The following ANKS1B variants were observed in gnomAD, a reference collection of about 807,000 sequenced individuals.
ANKS1B encodes ankyrin repeat and sterile alpha motif domain-containing protein 1B.
Under a neutral mutation model 148.3 loss-of-function variants are expected in ANKS1B, and 36 were observed. The observed-to-expected ratio is 0.24, with a 90% CI of 0.19 to 0.32. ANKS1B has a LOEUF of 0.32. Among genes scored for constraint, ANKS1B ranks in the 10% least tolerant of loss-of-function variants. The probability of loss-of-function intolerance (pLI) is 1.00; values close to 1 mark genes in which losing one functional copy is unlikely to be tolerated. For missense variants in ANKS1B, 1,157 were observed against 1,542.6 expected, an observed-to-expected ratio of 0.75 and a Z score of 4.19; for synonymous variants, 542 against 560.8, an observed-to-expected ratio of 0.97 and a Z score of 0.47.
At chr12:99,077,014 ATC>A (rs2048075263) in intron 16 of ANKS1B, among the ~76,000 whole-genome samples, 1 of 152,102 alleles carries the variant, frequency 6.6e-6, no homozygotes, top group South Asian at 2.1e-4. Flanking sequence ...CACTGAGCAT[ATC>A]TGTTTTGCAC....
chr12:99,536,360 C>T (rs985977236), intron 9 of ANKS1B, among the ~76,000 whole-genome samples: 1 of 152,132 alleles, frequency 6.6e-6, no homozygotes, highest in African/African-American at 2.4e-5. Context: ...GTACTTTCCT[C>T]TTAATTTTGC....
chr12:99,475,186 A>C (rs2152918759), intron 10 of ANKS1B, among the ~76,000 whole-genome samples: 1 of 150,848 alleles, frequency 6.6e-6, no homozygotes, highest in East Asian at 2.0e-4. Flanking sequence ...AGAGGTTTGC[A>C]GTGAGCCGAG....
At chr12:99,055,671 A>G (rs1441857996) in intron 16 of ANKS1B, among the ~76,000 whole-genome samples, 1 of 150,230 alleles carries the variant, frequency 6.7e-6, no homozygotes, top group Non-Finnish European at 1.5e-5. Flanking sequence ...ATGCCAGAAA[A>G]TTTAGAATCA....
intron 11 of ANKS1B, among the ~76,000 whole-genome samples, chr12:99,424,622 A>C (rs78470611): frequency 0.13 from 19,270 of 148,692 alleles, 2,352 homozygotes; most frequent in East Asian, 0.25. Context: ...AGGTAGCAGA[A>C]ACACACACAC....
chr12:98,921,139 C>T (rs1021968621), intron 17 of ANKS1B, among the ~76,000 whole-genome samples: 2 of 152,070 alleles, frequency 1.3e-5, no homozygotes, highest in African/African-American at 4.8e-5. Flanking sequence ...AAATTCCCTT[C>T]CCCTCTTCCT....
At position 99,720,536 on chromosome 12, in the gene ANKS1B, G is replaced by C. The variant is rs183474727; in HGVS notation, c.1128+52386C>G. 8.5e-4 allele frequency among the ~76,000 whole-genome samples: 129 copies of C among 152,252 alleles called. 1 individual carries two copies. Among genetic ancestry groups the C allele is most frequent in the Admixed American group, 6.7e-3 (103 of 15,302 alleles). ...CTTACAGTCCTCAGTCTTCAGGAAA[G>C]GTAGAACGGACTAATGGTCTTTTAA... On this transcript the variant is annotated intron_variant, in intron 8 of 26. Transcript: ENST00000683438.
rs1229331162 is a variant in ANKS1B at position 99,930,294 on chromosome 12, CTGTT to C, written c.134+53806_134+53809del. Among the ~76,000 whole-genome samples the C allele has an allele frequency of 4.6e-5, 7 of 151,958 alleles. 1 individual carries two copies. Among genetic ancestry groups the C allele is most frequent in the South Asian group, 2.1e-4 (1 of 4,806 alleles). On this transcript the variant is annotated intron_variant, in intron 1 of 26. Coordinates refer to ENST00000683438, the MANE Select transcript of ANKS1B (RefSeq NM_001352186.2). ...GGGAGTTCACTCATGATTTGGCTCT[CTGTT>C]TGTCTGTTATTGGTGTATAAGAATG...
intron 14 of ANKS1B, among the ~76,000 whole-genome samples, chr12:99,179,718 T>C (rs2078887628): frequency 6.6e-6 from 1 of 152,064 alleles, no homozygotes; most frequent in African/African-American, 2.4e-5. Flanking sequence ...ATCTATAAAA[T>C]TAGGAAAATC....
chr12:99,079,680 C>T (rs964897664), intron 16 of ANKS1B: 3 of 152,048 alleles, frequency 2.0e-5, no homozygotes, highest in East Asian at 1.9e-4. Context: ...TTGTGGAAGC[C>T]GAAAGAAGAC....
At chr12:99,303,984 A>G (rs1398510191) in intron 12 of ANKS1B, among the ~76,000 whole-genome samples, 1 of 152,094 alleles carries the variant, frequency 6.6e-6, no homozygotes, top group Admixed American at 6.6e-5. Context: ...GCCGAGCAGT[A>G]TTCCATGGTA....
At chr12:99,511,369 A>G (rs2096764157) in intron 9 of ANKS1B, among the ~76,000 whole-genome samples, 1 of 151,970 alleles carries the variant, frequency 6.6e-6, no homozygotes, top group African/African-American at 2.4e-5. Context: ...GAGGCAAAGG[A>G]CCTCTTTAAG....
intron 12 of ANKS1B, among the ~76,000 whole-genome samples, chr12:99,249,714 A>C (rs1358117502): frequency 4.6e-5 from 7 of 152,170 alleles, no homozygotes; most frequent in African/African-American, 1.7e-4. Flanking sequence ...CCCTCCCCGT[A>C]TCTAGTCCTC....
intron 17 of ANKS1B, among the ~76,000 whole-genome samples, chr12:99,004,153 G>A (rs543643267): frequency 9.9e-5 from 15 of 152,230 alleles, no homozygotes; most frequent in African/African-American, 3.6e-4. Flanking sequence ...CTCTAACACC[G>A]TGGAGCCATG....
chr12:99,653,404 A>C (rs2098434630), intron 9 of ANKS1B, among the ~76,000 whole-genome samples: 1 of 152,188 alleles, frequency 6.6e-6, no homozygotes, highest in South Asian at 2.1e-4. Flanking sequence ...AAATAGGTTA[A>C]AACATTTAAT....
intron 19 of ANKS1B, among the ~76,000 whole-genome samples, chr12:98,816,110 G>C (rs1398713916): frequency 6.6e-6 from 1 of 152,036 alleles, no homozygotes; most frequent in Non-Finnish European, 1.5e-5. Flanking sequence ...CTCTGCATTT[G>C]CTTCTCTTTC....
chr12:99,781,883 A>T, intron 5 of ANKS1B, 139 bp downstream of exon 5: 1 of 678,824 alleles, frequency 1.5e-6, no homozygotes, highest in Non-Finnish European at 2.4e-6. Context: ...AGTTCTACAT[A>T]ATATGAATAC....
In ANKS1B at chr12:99,612,965, C is replaced by G. The variant is rs1443395789; in HGVS notation, c.1272+42102G>C. Reference sequence around the variant, plus strand: ...TTCAAGTAATGAGTTAGCAAGCTGTCTAGTGATAACCCTGAGCCAATGGGA... The same window carrying G: ...TTCAAGTAATGAGTTAGCAAGCTGTGTAGTGATAACCCTGAGCCAATGGGA... On this transcript the variant is annotated intron_variant, in intron 9 of 26. Coordinates refer to ENST00000683438, the MANE Select transcript of ANKS1B (RefSeq NM_001352186.2). 3.3e-5 allele frequency among the ~76,000 whole-genome samples: 5 copies of G among 152,050 alleles called. No individual in the cohort carries two copies. The South Asian group carries it at 1.0e-3, about 32-fold the overall frequency.
intron 11 of ANKS1B, among the ~76,000 whole-genome samples, chr12:99,412,869 C>CAGCAAAA (rs1298804331): frequency 6.6e-6 from 1 of 152,154 alleles, no homozygotes; most frequent in East Asian, 1.9e-4. Context: ...TCACAGATGT[C>CAGCAAAA]ATGCAAATGG....
intron 17 of ANKS1B, among the ~76,000 whole-genome samples, chr12:98,979,517 C>T (rs909847216): frequency 1.3e-5 from 2 of 151,984 alleles, no homozygotes; most frequent in Admixed American, 1.3e-4. Context: ...GTGATCCACC[C>T]GCCTCGGCCT....
Sources: gnomAD v4.1 joint callset for allele counts (sites outside exome capture counted in the v4.1 genomes callset) on GRCh38, gnomAD v4.1.1 for gene constraint, MANE v1.5 for transcripts, NCBI Gene and HGNC (gene_info 2026-07-23, HGNC 2026-07-21) for gene names.